Variants in RAP1GDS1 observed in about 807,000 individuals in gnomAD.
RAP1GDS1 encodes Rap1 GTPase-GDP dissociation stimulator 1.
RAP1GDS1 carries 35 observed loss-of-function variants against 71.1 expected under a neutral mutation model. The observed-to-expected ratio is 0.49, with a 90% CI of 0.38 to 0.65. RAP1GDS1 has a LOEUF of 0.65. Ranked by LOEUF, RAP1GDS1 falls within the 30% of genes least tolerant of loss-of-function variation. The probability of loss-of-function intolerance (pLI) is 0.00; values close to 1 mark genes in which losing one functional copy is unlikely to be tolerated. For synonymous variants in RAP1GDS1, 229 were observed against 243.1 expected, an observed-to-expected ratio of 0.94 and a Z score of 0.54; for missense variants, 663 against 706.1, an observed-to-expected ratio of 0.94 and a Z score of 0.69.
chr4:98,369,528 T>G (rs1740041908), intron 4 of RAP1GDS1, among the ~76,000 whole-genome samples: 1 of 152,194 alleles, frequency 6.6e-6, no homozygotes, highest in Non-Finnish European at 1.5e-5. Context: ...GAATACTATT[T>G]AGCAATGAAA....
At chr4:98,306,814 A>C (rs367688135) in intron 2 of RAP1GDS1, among the ~76,000 whole-genome samples, 159 of 152,264 alleles carry the variant, frequency 1.0e-3, no homozygotes, top group African/African-American at 3.7e-3. Flanking sequence ...TTGAAAGTCC[A>C]AGTGGGTTCT....
chr4:98,289,775 T>G (rs1357469600), intron 1 of RAP1GDS1, among the ~76,000 whole-genome samples: 1 of 152,120 alleles, frequency 6.6e-6, no homozygotes, highest in Non-Finnish European at 1.5e-5. Flanking sequence ...AGATTGCTAT[T>G]ATTTCCAGCT....
intron 2 of RAP1GDS1, 80 bp from the exon 3 acceptor site, chr4:98,343,059 G>A: frequency 4.3e-6 from 6 of 1,398,162 alleles, no homozygotes; most frequent in Non-Finnish European, 5.8e-6. Flanking sequence ...AAAAATTCTT[G>A]AAGAATTTAT....
chr4:98,371,079 T>C (rs531904026), intron 4 of RAP1GDS1, among the ~76,000 whole-genome samples: 1 of 152,244 alleles, frequency 6.6e-6, no homozygotes, highest in African/African-American at 2.4e-5. Flanking sequence ...GAAGCTCTGT[T>C]TGTAGGCATT....
chr4:98,278,736 G>A (rs1036622514), intron 1 of RAP1GDS1, among the ~76,000 whole-genome samples: 1 of 152,052 alleles, frequency 6.6e-6, no homozygotes, highest in South Asian at 2.1e-4. Context: ...GAAGGAAATG[G>A]GGGGCCTATT....
rs796362985 is a variant in RAP1GDS1, at chr4:98,341,714, TA to T, written c.113-1412del. ...GTTTAGTTCTTTATGGCTTTTTGCT[TA>T]AAAAAAAAAAAATCTTAGGTGTCAC... On this transcript the variant is annotated intron_variant, in intron 2 of 14. Transcript: ENST00000408927. Among the ~76,000 whole-genome samples the T allele has an allele frequency of 9.9e-4, 139 of 140,840 alleles. 1 individual carries two copies. Among genetic ancestry groups the T allele is most frequent in the South Asian group, 4.7e-3 (21 of 4,468 alleles). The allele number at this position is 140,840 out of a possible 152,430, so 92.4% of individuals were successfully genotyped here.
intron 6 of RAP1GDS1, among the ~76,000 whole-genome samples, chr4:98,398,505 C>A (rs1036526557): frequency 7.2e-5 from 11 of 152,132 alleles, no homozygotes; most frequent in African/African-American, 2.7e-4. Flanking sequence ...TACAAAAGAT[C>A]ATGAGTCCGT....
intron 1 of RAP1GDS1, among the ~76,000 whole-genome samples, chr4:98,265,818 G>C (rs1321329564): frequency 6.6e-6 from 1 of 152,102 alleles, no homozygotes; most frequent in Non-Finnish European, 1.5e-5. Context: ...TGTTTTTTCA[G>C]AACAGTCAGG....
At chr4:98,362,403 T>C (rs966308658) in intron 4 of RAP1GDS1, among the ~76,000 whole-genome samples, 12 of 151,736 alleles carry the variant, frequency 7.9e-5, no homozygotes, top group African/African-American at 2.4e-4. Flanking sequence ...AGCCTGGGAG[T>C]TCAAGGCTGC....
At chr4:98,292,028 A>G (rs1003965590) in intron 1 of RAP1GDS1, among the ~76,000 whole-genome samples, 3 of 152,172 alleles carry the variant, frequency 2.0e-5, no homozygotes, top group Admixed American at 1.3e-4. Context: ...TTCTTCATCT[A>G]TTCAAACCAA....
intron 2 of RAP1GDS1, among the ~76,000 whole-genome samples, chr4:98,304,794 G>A (rs184096415): frequency 7.4e-4 from 113 of 152,044 alleles, no homozygotes; most frequent in African/African-American, 2.5e-3. Flanking sequence ...ATGATGTTGC[G>A]TAGATTTTCT....
At chr4:98,406,697 G>T (rs947300028) in intron 7 of RAP1GDS1, among the ~76,000 whole-genome samples, 1 of 151,976 alleles carries the variant, frequency 6.6e-6, no homozygotes, top group Non-Finnish European at 1.5e-5. Flanking sequence ...TTCAACTACA[G>T]AGCTCTTTCA....
intron 10 of RAP1GDS1, 98 bp downstream of exon 10, chr4:98,418,889 G>T: frequency 8.3e-7 from 1 of 1,199,390 alleles, no homozygotes. Context: ...CTCTGATGAA[G>T]AAAATTTAAA....
At chr4:98,376,774 T>G (rs1428725915) in intron 4 of RAP1GDS1, among the ~76,000 whole-genome samples, 1 of 151,960 alleles carries the variant, frequency 6.6e-6, no homozygotes, top group Non-Finnish European at 1.5e-5. Context: ...GTATACAGAT[T>G]GTGTTTATGC....
chr4:98,424,389 G>C (rs1749312186), intron 12 of RAP1GDS1, among the ~76,000 whole-genome samples: 1 of 152,028 alleles, frequency 6.6e-6, no homozygotes, highest in Admixed American at 6.6e-5. Context: ...ACTAACAATA[G>C]CTGATGAGCT....
At chr4:98,362,054 AAAACAT>A (rs1738824704) in intron 4 of RAP1GDS1, among the ~76,000 whole-genome samples, 1 of 152,246 alleles carries the variant, frequency 6.6e-6, no homozygotes, top group African/African-American at 2.4e-5. Context: ...TTGAATGCTG[AAAACAT>A]TCGATTATGT....
intron 4 of RAP1GDS1, among the ~76,000 whole-genome samples, chr4:98,373,295 G>A (rs1740664200): frequency 6.6e-6 from 1 of 152,056 alleles, no homozygotes; most frequent in African/African-American, 2.4e-5. Context: ...CATAGTTTTT[G>A]ATGAGAAGTC....
intron 1 of RAP1GDS1, among the ~76,000 whole-genome samples, chr4:98,287,069 G>A (rs898886460): frequency 6.6e-6 from 1 of 151,786 alleles, no homozygotes; most frequent in Non-Finnish European, 1.5e-5. Context: ...AAAAAAACAT[G>A]CCAGTGCAAG....
chr4:98,385,982 T>G (rs1355060868), intron 5 of RAP1GDS1, among the ~76,000 whole-genome samples: 1 of 151,856 alleles, frequency 6.6e-6, no homozygotes, highest in African/African-American at 2.4e-5. Context: ...TCAGCAGTGC[T>G]GTATGAAAGC....
Sources: gnomAD v4.1 joint callset for allele counts (sites outside exome capture counted in the v4.1 genomes callset) on GRCh38, gnomAD v4.1.1 for gene constraint, MANE v1.5 for transcripts, NCBI Gene and HGNC (gene_info 2026-07-23, HGNC 2026-07-21) for gene names.